The following FBXO42 variants were observed in gnomAD, a reference collection of about 807,000 sequenced individuals.
FBXO42 encodes the protein F-box protein 42.
FBXO42 carries 12 observed loss-of-function variants against 71.7 expected under a neutral mutation model. The observed-to-expected ratio is 0.17, with a 90% CI of 0.11 to 0.27. The LOEUF is 0.27. Ranked by LOEUF, FBXO42 falls within the 10% of genes least tolerant of loss-of-function variation. The pLI, the probability that FBXO42 is intolerant of heterozygous loss-of-function variation, is 1.00. For missense variants in FBXO42, 707 were observed against 911.9 expected (o/e 0.78, Z 2.89); for synonymous variants, 325 against 327.5 (o/e 0.99, Z 0.08).
At chr1:16,303,431 G>C (rs1389453847) in intron 3 of FBXO42, among the ~76,000 whole-genome samples, 1 of 152,200 alleles carries the variant, frequency 6.6e-6, no homozygotes, top group Admixed American at 6.5e-5. Flanking sequence ...AGTGATGACA[G>C]TAAGCAATGA....
chr1:16,255,600 G>A, intron 6 of FBXO42, 111 bp downstream of exon 6: 1 of 852,874 alleles, frequency 1.2e-6, no homozygotes, highest in Non-Finnish European at 1.8e-6. Context: ...CTCCCAAAAT[G>A]CTGGGATTAC....
chr1:16,309,057 CTTTTTTTTTTTTTTTT>C (rs58594138), intron 2 of FBXO42, among the ~76,000 whole-genome samples: 1 of 38,688 alleles, frequency 2.6e-5, no homozygotes. Context: ...GACCCCATCT[CTTTTTTTTTTTTTTTT>C]TTTTTTTTTT....
chr1:16,329,070 C>T (rs1359491092), intron 1 of FBXO42, among the ~76,000 whole-genome samples: 2 of 145,960 alleles, frequency 1.4e-5, no homozygotes, highest in Non-Finnish European at 3.0e-5. Context: ...GGCTGAGGCA[C>T]GAGAATTGCT....
chr1:16,253,210 A>T (rs774263525), intron 7 of FBXO42, 58 bp from the exon 8 acceptor site: 1 of 1,500,372 alleles, frequency 6.7e-7, no homozygotes, highest in South Asian at 1.2e-5. Context: ...CTGACTTTCT[A>T]TGCTTCACTG....
chr1:16,297,995 G>A (rs1186733509), intron 3 of FBXO42, among the ~76,000 whole-genome samples: 2 of 152,158 alleles, frequency 1.3e-5, no homozygotes, highest in Non-Finnish European at 1.5e-5. Context: ...GGAGGCTGAG[G>A]CGGGTGGATC....
intron 3 of FBXO42, among the ~76,000 whole-genome samples, chr1:16,305,374 T>A (rs1341682582): frequency 6.6e-6 from 1 of 151,846 alleles, no homozygotes; most frequent in Non-Finnish European, 1.5e-5. Context: ...GGTGACAGAG[T>A]GAGACTCCAT....
chr1:16,327,203 G>C (rs1032673996), intron 1 of FBXO42, among the ~76,000 whole-genome samples: 1 of 152,104 alleles, frequency 6.6e-6, no homozygotes, highest in African/African-American at 2.4e-5. Flanking sequence ...CTCACTTACG[G>C]TTGCAAAGTA....
In FBXO42 at chr1:16,252,946, C is replaced by T. The variant is rs1208412469; in HGVS notation, c.921+150G>A. 6.8e-6 allele frequency: 4 copies of T among 585,814 alleles called. No homozygotes were observed. Among genetic ancestry groups the T allele is most frequent in the Non-Finnish European group, 1.1e-5 (4 of 349,074 alleles). The allele number at this position is 585,814 out of a possible 1,614,324, so 36.3% of individuals were successfully genotyped here. On this transcript the variant is annotated intron_variant, in intron 8 of 9. Transcript: ENST00000375592. The surrounding 1 kb of genome is among the most constrained non-coding windows in gnomAD (Gnocchi z 4.4). ...CCTAAAAAAAAGCAGAAACAAAGGC[C>T]AGAAAATACAAAGGCTATACCCAAA...
chr1:16,274,588 GTTTTT>G (rs533547281), intron 4 of FBXO42, among the ~76,000 whole-genome samples: 17 of 53,498 alleles, frequency 3.2e-4, no homozygotes, highest in Non-Finnish European at 4.1e-4. Flanking sequence ...TTATGCCCCC[GTTTTT>G]TTTTTTTTTT....
At chr1:16,315,130 T>G in intron 2 of FBXO42, 39 bp downstream of exon 2, 1 of 1,550,272 alleles carries the variant, frequency 6.5e-7, no homozygotes, top group Non-Finnish European at 8.7e-7. Flanking sequence ...TCAGTGAAAT[T>G]TGAAATCAAT....
chr1:16,349,206 G>A (rs1557611639), intron 1 of FBXO42, among the ~76,000 whole-genome samples: 2 of 152,166 alleles, frequency 1.3e-5, no homozygotes, highest in African/African-American at 4.8e-5. Context: ...AGACTCTGCA[G>A]AATAATAGGA....
At chr1:16,300,602 T>C (rs908606390) in intron 3 of FBXO42, among the ~76,000 whole-genome samples, 2 of 152,196 alleles carry the variant, frequency 1.3e-5, no homozygotes, top group Non-Finnish European at 2.9e-5. Flanking sequence ...TATGCTGTCA[T>C]GTGTCTCACA....
intron 4 of FBXO42, among the ~76,000 whole-genome samples, chr1:16,271,258 G>GGTGTGTGTTGGTGTGTGT (rs2081841370): frequency 7.3e-6 from 1 of 137,426 alleles, no homozygotes; most frequent in Non-Finnish European, 1.6e-5. Flanking sequence ...TGTGTGTGTT[G>GGTGTGTGTTGGTGTGTGT]GTGTGTGTGT....
intron 1 of FBXO42, among the ~76,000 whole-genome samples, chr1:16,344,109 T>C (rs949319794): frequency 2.0e-5 from 3 of 151,702 alleles, no homozygotes; most frequent in Non-Finnish European, 4.4e-5. Flanking sequence ...GCGATTCTCC[T>C]GCCTCAGCCT....
At chr1:16,319,650 C>T (rs1045488711) in intron 1 of FBXO42, among the ~76,000 whole-genome samples, 9 of 152,150 alleles carry the variant, frequency 5.9e-5, no homozygotes, top group African/African-American at 1.7e-4. Context: ...TGGTGGCTCA[C>T]GCCTGTAATC....
At chr1:16,301,223 C>T (rs1283838261) in intron 3 of FBXO42, among the ~76,000 whole-genome samples, 6 of 152,068 alleles carry the variant, frequency 3.9e-5, no homozygotes, top group Non-Finnish European at 8.8e-5. Context: ...TTTACTTCAC[C>T]TGACTTTTTT....
At chr1:16,316,716 CAGAG>C (rs1344308593) in intron 1 of FBXO42, among the ~76,000 whole-genome samples, 2 of 87,200 alleles carry the variant, frequency 2.3e-5, no homozygotes, top group Non-Finnish European at 4.1e-5. Flanking sequence ...GCCTGGGACA[CAGAG>C]AAAGACTCTC....
In FBXO42 at chr1:16,305,866, T is replaced by C; in HGVS notation, c.304A>G (p.Ile102Val). The C allele has an allele frequency of 6.2e-7, 1 of 1,614,184 alleles. No individual in the cohort carries two copies. Among genetic ancestry groups the C allele is most frequent in the Non-Finnish European group, 8.5e-7 (1 of 1,180,028 alleles). ...GGATAGGTACGGCTCTCCCACTGAA[T>C]GTTTCCTTCCTGGACAGCCTTCATG... Reference protein sequence around the residue: ...GFMKAVQEGNIQWESRTYPYP... With the variant: ...GFMKAVQEGNVQWESRTYPYP... Residue 102 changes from isoleucine to valine, a missense_variant, in exon 3 of 10, where the codon ATT becomes GTT. This residue lies in a region of FBXO42 where 188 missense variants were observed against 230.5 expected (regional missense o/e 0.82). Coordinates refer to ENST00000375592, the MANE Select transcript of FBXO42 (RefSeq NM_018994.3).
chr1:16,254,040 A>G (rs2081616349), intron 6 of FBXO42, among the ~76,000 whole-genome samples: 1 of 152,218 alleles, frequency 6.6e-6, no homozygotes, highest in Admixed American at 6.5e-5. Flanking sequence ...ATATAAAATG[A>G]AGGGACCTTT....
Sources: gnomAD v4.1 joint callset for allele counts (sites outside exome capture counted in the v4.1 genomes callset) on GRCh38, gnomAD v4.1.1 for gene constraint, gnomAD v4.1.1 regional missense constraint, Gnocchi (gnomAD v3.1) non-coding constraint, MANE v1.5 for transcripts, NCBI Gene and HGNC (gene_info 2026-07-23, HGNC 2026-07-21) for gene names.